CHTF18: variants seen among roughly 807,000 people sequenced by gnomAD.
CHTF18 encodes the protein chromosome transmission fidelity factor 18, also known as chromosome transmission fidelity protein 18 homolog.
In CHTF18, 151 loss-of-function variants were observed where a neutral mutation model predicts 113.4. The ratio of observed to expected loss-of-function variants is 1.33; its 90% CI spans 1.17 to 1.52. The LOEUF (loss-of-function observed/expected upper bound fraction) is 1.52. Ranked by LOEUF, CHTF18 falls within the 40% of genes most tolerant of loss-of-function variation. The pLI, the probability that CHTF18 is intolerant of heterozygous loss-of-function variation, is 0.00. For missense variants in CHTF18, 1,982 were observed against 1,381.6 expected, an observed-to-expected ratio of 1.43 and a Z score of -6.89; for synonymous variants, 916 against 598.8, an observed-to-expected ratio of 1.53 and a Z score of -7.74.
chr16:797,512 C>T (rs1467199226), intron 20 of CHTF18, among the ~76,000 whole-genome samples, 182 bp from the exon 21 acceptor site: 2 of 152,082 alleles, frequency 1.3e-5, no homozygotes, highest in Admixed American at 1.3e-4. Flanking sequence ...TCTTGATTGG[C>T]ACCTGGTGGG....
In CHTF18 at chr16:797,106, A is replaced by G. The variant is rs776685799; in HGVS notation, c.2733+14A>G. 6.7e-7 allele frequency: 1 copy of G among 1,499,948 alleles called. No individual in the cohort carries two copies. Among genetic ancestry groups the G allele is most frequent in the Non-Finnish European group, 8.9e-7 (1 of 1,129,922 alleles). The allele number at this position is 1,499,948 out of a possible 1,614,324, so 92.9% of individuals were successfully genotyped here. On this transcript the variant is annotated intron_variant, in intron 20 of 21. Transcript: ENST00000262315. Reference sequence around the variant, plus strand: ...CGGGAGGAACAGGTGTGGAATGGGCAGCTGTGGGGGTGGGACCAGGGTACA... The same window carrying G: ...CGGGAGGAACAGGTGTGGAATGGGCGGCTGTGGGGGTGGGACCAGGGTACA...
At position 795,929 on chromosome 16, in the gene CHTF18, C is replaced by T. The variant is rs201428190; in HGVS notation, c.2326-18C>T. On this transcript the variant is annotated intron_variant, in intron 17 of 21. Coordinates refer to ENST00000262315, the MANE Select transcript of CHTF18 (RefSeq NM_022092.3). The stretch of plus-strand genomic sequence containing the variant: ...TACAGCCTGCTCAGCTCCCTGTCTG[C>T]TGCCTCCCATCCCCTAGGTGAGCAC... 14 of 1,603,422 alleles carry T rather than the reference C, an allele frequency of 8.7e-6. No homozygotes were observed. The East Asian group carries it at 2.5e-4, about 28-fold the overall frequency.
chr16:789,876 A>G, intron 4 of CHTF18, 161 bp downstream of exon 4: 1 of 1,338,418 alleles, frequency 7.5e-7, no homozygotes, highest in Non-Finnish European at 1.0e-6. Context: ...CTTAGAGGAC[A>G]CAGCCTCCCC....
intron 15 of CHTF18, 93 bp from the exon 16 acceptor site, chr16:795,039 G>A: frequency 9.7e-7 from 1 of 1,027,490 alleles, no homozygotes; most frequent in Admixed American, 2.2e-5. Context: ...GCGGCAGGCA[G>A]GAGTGGAGGG....
At chr16:792,687 T>C in intron 11 of CHTF18, 31 bp from the exon 12 acceptor site, 1 of 1,577,984 alleles carries the variant, frequency 6.3e-7, no homozygotes, top group Non-Finnish European at 8.6e-7. Context: ...GTGCCAACCC[T>C]GGGGTCCCTG....
At chr16:791,536 A>C in intron 8 of CHTF18, 166 bp downstream of exon 8, 1 of 1,435,248 alleles carries the variant, frequency 7.0e-7, no homozygotes, top group Non-Finnish European at 9.1e-7. Context: ...TTGCAGTAAC[A>C]ACTCGGGGGA....
chr16:790,230 T>C lies in CHTF18; in HGVS notation c.660T>C (p.Gly220=). 6.2e-7 allele frequency: 1 copy of C among 1,606,206 alleles called. No individual in the cohort carries two copies. The highest frequency in any genetic ancestry group is 8.5e-7 in the Non-Finnish European group (1 of 1,177,228). ...GCGGTGGCCAGCTGGACCTGCTGGG[T>C]GTGTCCTTAGCCTCCCTGAAGAAGC... is the stretch of plus-strand genomic sequence containing the variant. ...WRGGGQLDLL[G]VSLASLKKQV... Residue 220 remains glycine (G), a synonymous_variant, in exon 5 of 22, where the codon GGT becomes GGC. Coordinates refer to ENST00000262315, the MANE Select transcript of CHTF18 (RefSeq NM_022092.3).
intron 8 of CHTF18, 194 bp from the exon 9 acceptor site, chr16:791,657 T>C (rs1208216144): frequency 7.7e-6 from 11 of 1,427,664 alleles, no homozygotes; most frequent in Admixed American, 3.0e-5. Flanking sequence ...CTGCACGAAC[T>C]TTGCTTTGTG....
intron 6 of CHTF18, 61 bp from the exon 7 acceptor site, chr16:790,464 A>G (rs2042165051): frequency 1.2e-6 from 2 of 1,609,832 alleles, no homozygotes; most frequent in Non-Finnish European, 1.7e-6. Context: ...CCTAGCTCCT[A>G]GCGTGTGGGT....
intron 14 of CHTF18, chr16:793,673 C>T (rs970284455): frequency 1.4e-5 from 8 of 580,252 alleles, no homozygotes; most frequent in Admixed American, 5.0e-5. Context: ...GCCAGCATGT[C>T]TCTGTCCTGA....
chr16:795,806 T>G lies in CHTF18; in HGVS notation c.2297T>G (p.Leu766Arg). 1 of 1,609,954 alleles carries G rather than the reference T, an allele frequency of 6.2e-7. No homozygotes were observed. Among genetic ancestry groups the G allele is most frequent in the Non-Finnish European group, 8.5e-7 (1 of 1,179,034 alleles). Reference protein sequence around the residue: ...ALLLDALCLLLDILAPKLRPV... With the variant: ...ALLLDALCLLRDILAPKLRPV... ...CTCCTCGATGCCCTCTGCCTGCTCC[T>G]GGACATTCTTGCACCCAAGCTCCGC... Residue 766 changes from leucine to arginine, a missense_variant, in exon 17 of 22, where the codon CTG (leucine) becomes CGG (arginine). Coordinates refer to ENST00000262315, the MANE Select transcript of CHTF18 (RefSeq NM_022092.3).
chr16:798,023 G>A lies in CHTF18; in HGVS notation c.*48G>A, dbSNP rs780523349. ...CTCGCATTGCTTCCCGCAGAGTGCA[G>A]AGACAGGAAGCTGGAGATGTCTTTA... On this transcript the variant is annotated 3_prime_UTR_variant, in exon 22 of 22. Transcript: ENST00000262315. 7 of 1,576,464 alleles carry A rather than the reference G, an allele frequency of 4.4e-6. No homozygotes were observed. Among genetic ancestry groups the A allele is most frequent in the African/African-American group, 1.3e-5 (1 of 74,310 alleles).
In CHTF18 at chr16:798,000, C is replaced by T. The variant is rs148471037; in HGVS notation, c.*25C>T. On this transcript the variant is annotated 3_prime_UTR_variant, in exon 22 of 22. Coordinates refer to ENST00000262315, the MANE Select transcript of CHTF18 (RefSeq NM_022092.3). ...GTTCTCTGAGCCGCGGACATGCCCTCGCATTGCTTCCCGCAGAGTGCAGAG... is the reference window on the plus strand; with the variant it reads ...GTTCTCTGAGCCGCGGACATGCCCTTGCATTGCTTCCCGCAGAGTGCAGAG... 18,590 of 1,598,540 alleles carry T rather than the reference C, an allele frequency of 0.012. 142 individuals are homozygous for T. Among genetic ancestry groups the T allele is most frequent in the Middle Eastern group, 0.015 (88 of 6,000 alleles).
chr16:791,384 G>A lies in CHTF18; in HGVS notation c.1104+14G>A. On this transcript the variant is annotated intron_variant, in intron 8 of 21. Transcript: ENST00000262315. ...CCGAAGCAGAAGGTGAGCCCCGCTG[G>A]CTGTGCCGCCGGGAACAAGCCTGAG... 1 of 1,587,620 alleles carries A rather than the reference G, an allele frequency of 6.3e-7. No homozygotes were observed.
chr16:797,234 C>A, intron 20 of CHTF18, 142 bp downstream of exon 20: 1 of 983,432 alleles, frequency 1.0e-6, no homozygotes, highest in Non-Finnish European at 1.4e-6. Flanking sequence ...CCTCATGAGG[C>A]AGGGCCAGGG....
intron 9 of CHTF18, 36 bp downstream of exon 9, chr16:791,984 T>C (rs1389965969): frequency 1.3e-6 from 2 of 1,575,462 alleles, no homozygotes; most frequent in East Asian, 4.7e-5. Context: ...GCTCGCCTTC[T>C]GTCCTGACGT....
chr16:794,716 G>A (rs1291415701), intron 15 of CHTF18: 2 of 236,628 alleles, frequency 8.5e-6, no homozygotes, highest in Non-Finnish European at 8.3e-6. Context: ...GAGCAGCGGC[G>A]GGGATAGACT....
At chr16:789,485 A>G (rs1028705760) in intron 3 of CHTF18, 62 bp from the exon 4 acceptor site, 55 of 1,544,848 alleles carry the variant, frequency 3.6e-5, no homozygotes, top group Non-Finnish European at 4.5e-5. Flanking sequence ...AGTCTCGGAC[A>G]CCCATATCCA....
chr16:790,423 CT>C, intron 6 of CHTF18, 24 bp downstream of exon 6: 1 of 1,612,188 alleles, frequency 6.2e-7, no homozygotes, highest in Non-Finnish European at 8.5e-7. Flanking sequence ...CCCTTCCGCC[CT>C]GGGGACCCTT....
Sources: allele counts gnomAD v4.1 joint callset (sites outside exome capture counted in the v4.1 genomes callset), GRCh38; gene constraint gnomAD v4.1.1; transcripts MANE v1.5; gene names NCBI Gene and HGNC (gene_info 2026-07-23, HGNC 2026-07-21).